PRKCA: variants seen among roughly 807,000 people sequenced by gnomAD.
PRKCA encodes the protein protein kinase C alpha, also known as protein kinase C alpha type.
In PRKCA, 27 loss-of-function variants were observed where a neutral mutation model predicts 87.0. The ratio of observed to expected loss-of-function variants is 0.31; its 90% confidence interval spans 0.23 to 0.43. PRKCA has a LOEUF of 0.43. Among genes scored for constraint, PRKCA ranks in the 20% least tolerant of loss-of-function variants. The pLI is 1.00. For missense variants in PRKCA, 518 were observed against 852.3 expected, an observed-to-expected ratio of 0.61 and a Z score of 4.88; for synonymous variants, 329 against 311.1, an observed-to-expected ratio of 1.06 and a Z score of -0.61.
chr17:66,501,687 C>T (rs1205682819), intron 3 of PRKCA, among the ~76,000 whole-genome samples: 2 of 152,196 alleles, frequency 1.3e-5, no homozygotes, highest in African/African-American at 2.4e-5. Flanking sequence ...CCCAGTACCC[C>T]ATTCCAGCAT....
At chr17:66,545,240 A>G (rs1206612794) in intron 3 of PRKCA, among the ~76,000 whole-genome samples, 3 of 152,134 alleles carry the variant, frequency 2.0e-5, no homozygotes, top group East Asian at 1.9e-4. Flanking sequence ...CATCCTGGCT[A>G]ACACGGTGAA....
intron 2 of PRKCA, among the ~76,000 whole-genome samples, chr17:66,395,850 G>T (rs1169520433): frequency 1.3e-5 from 2 of 152,052 alleles, no homozygotes; most frequent in African/African-American, 4.8e-5. Context: ...AAGGCTTTGG[G>T]GTTTCCAGGG....
chr17:66,655,369 T>C (rs989140362), intron 5 of PRKCA, among the ~76,000 whole-genome samples: 3 of 152,196 alleles, frequency 2.0e-5, no homozygotes, highest in Admixed American at 6.5e-5. Flanking sequence ...TTCCAAGCCA[T>C]GAGCAGCTTC....
At chr17:66,497,253 T>G (rs1916515484) in intron 3 of PRKCA, among the ~76,000 whole-genome samples, 1 of 152,086 alleles carries the variant, frequency 6.6e-6, no homozygotes, top group Non-Finnish European at 1.5e-5. Context: ...ATCCCAGCAC[T>G]TTGGAAGGCT....
Position 66,803,928 on chromosome 17 carries a change from T to C in PRKCA, c.1910T>C (p.Leu637Ser). The C allele has an allele frequency of 6.2e-7, 1 of 1,614,062 alleles. No homozygotes were observed. The highest frequency in any genetic ancestry group is 8.5e-7 in the Non-Finnish European group (1 of 1,179,940). The change falls in exon 17 of 17, where the codon TTA (leucine) becomes TCA (serine). Residue 637 changes from leucine to serine, a missense_variant. Leu to Ser is a moderately radical substitution (Grantham distance 145). Transcript: ENST00000413366. The surrounding 1 kb of genome is among the most constrained non-coding windows in gnomAD (Gnocchi z 4.4). ...TTCTTCACACGAGGACAGCCCGTCT[T>C]AACACCACCTGATCAGCTGGTTATT... ...DKFFTRGQPV[L>S]TPPDQLVIAN...
At chr17:66,591,042 A>G in intron 3 of PRKCA, among the ~76,000 whole-genome samples, 1 of 152,148 alleles carries the variant, frequency 6.6e-6, no homozygotes, top group Non-Finnish European at 1.5e-5. Context: ...ACCTCAGACA[A>G]GTGACTCAAC....
chr17:66,374,862 G>T (rs1212307527), intron 2 of PRKCA, among the ~76,000 whole-genome samples: 1 of 151,676 alleles, frequency 6.6e-6, no homozygotes, highest in African/African-American at 2.4e-5. Flanking sequence ...CGAGTAGCTG[G>T]GACTACAGGC....
At chr17:66,431,141 A>G (rs1026961394) in intron 2 of PRKCA, among the ~76,000 whole-genome samples, 2 of 152,204 alleles carry the variant, frequency 1.3e-5, no homozygotes, top group South Asian at 2.1e-4. Flanking sequence ...CTTTCTTCTC[A>G]TAATTGTCCA....
intron 3 of PRKCA, among the ~76,000 whole-genome samples, chr17:66,609,006 A>G (rs188040283): frequency 1.5e-4 from 23 of 152,310 alleles, no homozygotes; most frequent in Non-Finnish European, 3.4e-4. Context: ...GAGGCCATGC[A>G]GTTTGCGTGA....
chr17:66,494,984 C>G (rs1916406470), intron 2 of PRKCA, among the ~76,000 whole-genome samples: 1 of 151,864 alleles, frequency 6.6e-6, no homozygotes, highest in Non-Finnish European at 1.5e-5. Context: ...TGCCTGTATT[C>G]CCAGCTACTT....
At chr17:66,473,997 A>G (rs1915435090) in intron 2 of PRKCA, among the ~76,000 whole-genome samples, 1 of 152,180 alleles carries the variant, frequency 6.6e-6, no homozygotes. Flanking sequence ...AGTCTCACAC[A>G]TATGAACTGT....
At chr17:66,774,311 C>T in intron 14 of PRKCA, 6 of 1,342,810 alleles carry the variant, frequency 4.5e-6, no homozygotes, top group Middle Eastern at 2.8e-4. Context: ...TAGACAGTGT[C>T]AGTTTCACGT....
chr17:66,334,561 A>C (rs1906542385), intron 2 of PRKCA, among the ~76,000 whole-genome samples: 1 of 152,222 alleles, frequency 6.6e-6, no homozygotes, highest in South Asian at 2.1e-4. Flanking sequence ...TCAAGACCAC[A>C]ATGAGATACT....
intron 2 of PRKCA, among the ~76,000 whole-genome samples, chr17:66,374,570 C>G (rs1285986077): frequency 2.6e-5 from 4 of 152,116 alleles, no homozygotes; most frequent in African/African-American, 7.2e-5. Flanking sequence ...ATTAATTAAG[C>G]AAGCAAGCAA....
At chr17:66,622,685 G>C (rs1367457666) in intron 3 of PRKCA, among the ~76,000 whole-genome samples, 1 of 152,214 alleles carries the variant, frequency 6.6e-6, no homozygotes, top group Non-Finnish European at 1.5e-5. Context: ...AGAAAAGTAG[G>C]TCTAATGGAC....
chr17:66,587,614 TTAGA>T lies in PRKCA; in HGVS notation c.289-53734_289-53731del, dbSNP rs200026750. ...ACAGATAGATAGATAGATTGATTGA[TTAGA>T]TAGATATAGATATATAGATATATAT... is the stretch of plus-strand genomic sequence containing the variant. On this transcript the variant is annotated intron_variant, in intron 3 of 16. Coordinates refer to ENST00000413366, the MANE Select transcript of PRKCA (RefSeq NM_002737.3). Among the ~76,000 whole-genome samples, 564 of 149,728 alleles carry T rather than the reference TTAGA, an allele frequency of 3.8e-3. 14 individuals carry two copies. Among genetic ancestry groups the T allele is most frequent in the African/African-American group, 0.013 (531 of 39,710 alleles).
At position 66,588,635 on chromosome 17, in the gene PRKCA, C is replaced by CTTTTTTTT. The variant is rs397856363; in HGVS notation, c.289-52700_289-52693dup. On this transcript the variant is annotated intron_variant, in intron 3 of 16. Coordinates refer to ENST00000413366, the MANE Select transcript of PRKCA (RefSeq NM_002737.3). ...CTTTCTGAGGTTTTATTTTGCTTTG[C>CTTTTTTTT]TTTTTTTTTTTTTTTTTTTTTTTTT... Among the ~76,000 whole-genome samples the CTTTTTTTT allele has an allele frequency of 2.8e-4, 11 of 39,110 alleles. 1 individual carries two copies. The highest frequency in any genetic ancestry group is 1.3e-3 in the East Asian group (2 of 1,514). The allele number at this position is 39,110 out of a possible 152,430, so 25.7% of individuals were successfully genotyped here. A position where few individuals can be genotyped will look rare whatever the true frequency, so the allele number is the denominator to read the frequency against.
chr17:66,383,936 C>G (rs924392529), intron 2 of PRKCA, among the ~76,000 whole-genome samples: 1 of 150,444 alleles, frequency 6.6e-6, no homozygotes. Context: ...GGTGAAAGAA[C>G]AAGACTCTGT....
intron 5 of PRKCA, among the ~76,000 whole-genome samples, chr17:66,681,949 G>A (rs9915272): frequency 0.047 from 7,219 of 152,268 alleles, 591 homozygotes; most frequent in African/African-American, 0.16. Flanking sequence ...CATCAAGCAG[G>A]CTCTTGGCAA....
Sources: gnomAD v4.1 joint callset for allele counts (sites outside exome capture counted in the v4.1 genomes callset) on GRCh38, gnomAD v4.1.1 for gene constraint, Gnocchi (gnomAD v3.1) non-coding constraint, MANE v1.5 for transcripts, NCBI Gene and HGNC (gene_info 2026-07-23, HGNC 2026-07-21) for gene names.